The following ZNF728 variants were observed in gnomAD, a reference collection of about 807,000 sequenced individuals.
The protein encoded by ZNF728 is zinc finger protein 728.
ZNF728 carries 12 observed loss-of-function variants against 12.5 expected under a neutral mutation model. The observed-to-expected ratio is 0.96, with a 90% CI of 0.61 to 1.55. ZNF728 has a LOEUF of 1.55. ZNF728 is among the 40% of genes most tolerant of loss of function. The probability of loss-of-function intolerance (pLI) is 0.00; values close to 1 mark genes in which losing one functional copy is unlikely to be tolerated. For missense variants in ZNF728, 692 were observed against 719.2 expected, an observed-to-expected ratio of 0.96 and a Z score of 0.43; for synonymous variants, 205 against 240.7, an observed-to-expected ratio of 0.85 and a Z score of 1.37.
intron 1 of ZNF728, among the ~76,000 whole-genome samples, chr19:23,000,443 A>G (rs887115535): frequency 1.3e-5 from 2 of 152,086 alleles, no homozygotes; most frequent in Non-Finnish European, 2.9e-5. Context: ...GAGAAAGAAA[A>G]AGGTGAATGA....
chr19:22,987,179 TA>T, intron 3 of ZNF728, 128 bp downstream of exon 3: 1 of 859,638 alleles, frequency 1.2e-6, no homozygotes, highest in Non-Finnish European at 1.7e-6. Flanking sequence ...AATTAAAAAA[TA>T]AAAATAAAAA....
chr19:22,988,816 C>A (rs1466366597), intron 1 of ZNF728, among the ~76,000 whole-genome samples: 1 of 152,026 alleles, frequency 6.6e-6, no homozygotes, highest in Non-Finnish European at 1.5e-5. Flanking sequence ...CTTTGGGAGG[C>A]CAAGGCGGGC....
chr19:22,983,756 A>C (rs1277312464), intron 3 of ZNF728, among the ~76,000 whole-genome samples: 2 of 152,166 alleles, frequency 1.3e-5, no homozygotes, highest in Non-Finnish European at 2.9e-5. Context: ...TAACACAAGA[A>C]CAGAAAATCA....
chr19:22,998,080 A>C (rs1195500738), intron 1 of ZNF728, among the ~76,000 whole-genome samples: 2 of 152,224 alleles, frequency 1.3e-5, no homozygotes, highest in Non-Finnish European at 2.9e-5. Context: ...CATTTGACCC[A>C]GTAACCTCAC....
intron 1 of ZNF728, among the ~76,000 whole-genome samples, chr19:22,990,296 T>C (rs1212217717): frequency 6.6e-6 from 1 of 152,128 alleles, no homozygotes; most frequent in African/African-American, 2.4e-5. Flanking sequence ...TTCTCCTCCT[T>C]TTCTAGGATT....
intron 3 of ZNF728, 67 bp downstream of exon 3, chr19:22,987,241 T>C (rs1968926022): frequency 3.4e-6 from 5 of 1,451,098 alleles, no homozygotes; most frequent in Non-Finnish European, 3.7e-6. Context: ...CCATATCACT[T>C]TAAGGACTGG....
At chr19:22,994,966 C>T (rs1326515441) in intron 1 of ZNF728, 2 of 153,304 alleles carry the variant, frequency 1.3e-5, no homozygotes, top group Admixed American at 1.3e-4. Flanking sequence ...ACTCCAGTGC[C>T]ACATCAGACA....
chr19:22,980,403 G>C (rs573136169), intron 3 of ZNF728, among the ~76,000 whole-genome samples: 1 of 152,228 alleles, frequency 6.6e-6, no homozygotes, highest in East Asian at 1.9e-4. Flanking sequence ...GATCTACAAA[G>C]AGACTTAGAT....
chr19:22,976,714 T>C lies in ZNF728; in HGVS notation c.623A>G (p.Lys208Arg), dbSNP rs1968806862. ...AAGGGCTGAGGACCAGTTAAAGGCT[T>C]TGCCATGTTCTTCACTTTTGTAGGA... ...ENSYKSEEHG[K>R]AFNWSSALTY... Residue 208 changes from lysine to arginine, a missense_variant, in exon 4 of 4, where the codon AAA becomes AGA. Physicochemically the swap from Lys to Arg is conservative, Grantham distance 26. Coordinates refer to ENST00000594710, the MANE Select transcript of ZNF728 (RefSeq NM_001267716.2). The C allele has an allele frequency of 1.2e-6, 2 of 1,613,318 alleles. No homozygotes were observed. The highest frequency in any genetic ancestry group is 1.3e-5 in the African/African-American group (1 of 74,944).
chr19:22,982,553 C>G (rs576796093), intron 3 of ZNF728, among the ~76,000 whole-genome samples: 2 of 152,068 alleles, frequency 1.3e-5, no homozygotes, highest in Non-Finnish European at 2.9e-5. Context: ...TATAGCCAAT[C>G]CTAAGCAAAA....
intron 3 of ZNF728, among the ~76,000 whole-genome samples, chr19:22,986,633 C>T (rs977785165): frequency 6.6e-6 from 1 of 151,788 alleles, no homozygotes; most frequent in African/African-American, 2.4e-5. Flanking sequence ...TCTATCGATT[C>T]AAAGAATAAA....
chr19:22,985,405 T>C (rs1424440673), intron 3 of ZNF728, among the ~76,000 whole-genome samples: 6 of 152,180 alleles, frequency 3.9e-5, no homozygotes, highest in Admixed American at 3.9e-4. Context: ...GGTTGAAGAA[T>C]TGCTTCAGGC....
intron 1 of ZNF728, among the ~76,000 whole-genome samples, 194 bp from the exon 2 acceptor site, chr19:22,988,645 T>C (rs1440125519): frequency 6.6e-6 from 1 of 152,210 alleles, no homozygotes; most frequent in Admixed American, 6.5e-5. Context: ...AAGAAAGTGG[T>C]ATAAGATCCA....
At chr19:22,993,933 G>C (rs1044793218) in intron 1 of ZNF728, among the ~76,000 whole-genome samples, 5 of 152,030 alleles carry the variant, frequency 3.3e-5, no homozygotes, top group Non-Finnish European at 7.4e-5. Context: ...CCTAGATTTA[G>C]AATTTGGAGC....
intron 1 of ZNF728, chr19:22,994,891 G>GC (rs1939312348): frequency 1.3e-5 from 2 of 152,542 alleles, no homozygotes; most frequent in South Asian, 4.1e-4. Flanking sequence ...CTGAGGCACA[G>GC]CCCACAGCAC....
Position 22,986,543 on chromosome 19 carries a change from C to T in ZNF728, c.226+765G>A, listed in dbSNP as rs149018461. ...AATAAATATCCGAGAACAAATTTAACCGAGGAGCTGAAAAACTTTTCAAGT... is the reference window on the plus strand; with the variant it reads ...AATAAATATCCGAGAACAAATTTAATCGAGGAGCTGAAAAACTTTTCAAGT... On this transcript the variant is annotated intron_variant, in intron 3 of 3. Transcript: ENST00000594710. 5.3e-3 allele frequency among the ~76,000 whole-genome samples: 810 copies of T among 152,092 alleles called. 5 individuals are homozygous for T. Among genetic ancestry groups the T allele is most frequent in the African/African-American group, 0.019 (769 of 41,488 alleles).
chr19:22,975,562 T>C lies in ZNF728; in HGVS notation c.1775A>G (p.Tyr592Cys), dbSNP rs1044125032. Reference protein sequence around the residue: ...HKKIHAGKKFYKCEECGKDFN... With the variant: ...HKKIHAGKKFCKCEECGKDFN... ...GTCTTTACCACATTCTTCACATTTG[T>C]AGAATTTCTTTCCAGCATGAATTTT... The change falls in exon 4 of 4, where the codon TAC (tyrosine) becomes TGC (cysteine). Residue 592 changes from tyrosine (Y) to cysteine (C), a missense_variant. By Grantham distance (194) the Tyr-to-Cys change is radical. Coordinates refer to ENST00000594710, the MANE Select transcript of ZNF728 (RefSeq NM_001267716.2). 2.5e-5 allele frequency: 40 copies of C among 1,592,772 alleles called. No individual in the cohort carries two copies. Among genetic ancestry groups the C allele is most frequent in the Non-Finnish European group, 3.2e-5 (38 of 1,170,568 alleles).
intron 3 of ZNF728, among the ~76,000 whole-genome samples, chr19:22,983,883 A>T (rs1034099146): frequency 4.6e-5 from 7 of 152,160 alleles, no homozygotes; most frequent in African/African-American, 1.7e-4. Context: ...GATGAATAAC[A>T]TTAGGAGAAA....
chr19:22,977,021 A>G lies in ZNF728; in HGVS notation c.316T>C (p.Cys106Arg). ...TTTAACTGTAAATTCTCATGTCCACATTTTTCATATCTTCTCAATATCACT... is the reference window on the plus strand; with the variant it reads ...TTTAACTGTAAATTCTCATGTCCACGTTTTTCATATCTTCTCAATATCACT... ...QKVILRRYEK[C>R]GHENLQLKIG... is the part of the protein sequence containing the mutation. The change falls in exon 4 of 4, where the codon TGT becomes CGT. Residue 106 changes from cysteine to arginine, a missense_variant. Coordinates refer to ENST00000594710, the MANE Select transcript of ZNF728 (RefSeq NM_001267716.2). The G allele has an allele frequency of 1.2e-6, 2 of 1,613,350 alleles. No individual in the cohort carries two copies. The highest frequency in any genetic ancestry group is 8.5e-7 in the Non-Finnish European group (1 of 1,179,736).
Sources: gnomAD v4.1 joint callset for allele counts (sites outside exome capture counted in the v4.1 genomes callset) on GRCh38, gnomAD v4.1.1 for gene constraint, MANE v1.5 for transcripts, NCBI Gene and HGNC (gene_info 2026-07-23, HGNC 2026-07-21) for gene names.